Variants in SSBP2 observed in about 807,000 individuals in gnomAD.
SSBP2 encodes the protein single stranded DNA binding protein 2.
A neutral mutation model predicts 61.8 loss-of-function variants in SSBP2; 17 were observed. The ratio of observed to expected loss-of-function variants is 0.28; its 90% CI spans 0.19 to 0.41. SSBP2 has a LOEUF of 0.41. Ranked by LOEUF, SSBP2 falls within the 10% of genes least tolerant of loss-of-function variation. SSBP2 has a pLI of 1.00. For synonymous variants in SSBP2, 139 were observed against 141.3 expected, an observed-to-expected ratio of 0.98 and a Z score of 0.12; for missense variants, 310 against 458.7, an observed-to-expected ratio of 0.68 and a Z score of 2.96.
rs766994399 is a variant in SSBP2 at position 81,415,922 on chromosome 5, A to AAAAAAAAAAAAAAAAAAAAAAAAAAAAG, written c.*4581_*4582insCTTTTTTTTTTTTTTTTTTTTTTTTTTT. 2 of 73,742 alleles carry AAAAAAAAAAAAAAAAAAAAAAAAAAAAG rather than the reference A, an allele frequency of 2.7e-5. No individual in the cohort carries two copies. The highest frequency in any genetic ancestry group is 2.9e-4 in the African/African-American group (2 of 6,788). 4.6% of individuals were successfully genotyped at this position (73,742 alleles called of 1,614,324 possible). On this transcript the variant is annotated 3_prime_UTR_variant, in exon 17 of 17. Transcript: ENST00000320672. ...GCAAGATTCTGACTCAAAAAAAAAA[A>AAAAAAAAAAAAAAAAAAAAAAAAAAAAG]AAAAAAAGAGGAAAACCTGATCAAG...
At chr5:81,501,845 G>A (rs1767814039) in intron 5 of SSBP2, among the ~76,000 whole-genome samples, 1 of 152,058 alleles carries the variant, frequency 6.6e-6, no homozygotes. Flanking sequence ...TTACAGACGT[G>A]AGCCACTGCG....
At chr5:81,638,340 A>C (rs1195880260) in intron 2 of SSBP2, among the ~76,000 whole-genome samples, 1 of 147,156 alleles carries the variant, frequency 6.8e-6, no homozygotes, top group Non-Finnish European at 1.5e-5. Context: ...GATTTAAAAA[A>C]TAAAAAAATA....
Position 81,500,215 on chromosome 5 carries a change from C to T in SSBP2, c.373-10906G>A, listed in dbSNP as rs570170851. Among the ~76,000 whole-genome samples the T allele has an allele frequency of 2.0e-5, 3 of 152,078 alleles. No individual in the cohort carries two copies. In the South Asian group the frequency reaches 6.2e-4, roughly 32 times the overall value. ...AACTAGGTAAGATGTTTCTATAAAA[C>T]ATAACTTTTTTTTTTTGAGATGAAG... On this transcript the variant is annotated intron_variant, in intron 5 of 16. Transcript: ENST00000320672.
intron 1 of SSBP2, among the ~76,000 whole-genome samples, chr5:81,742,075 C>T (rs1757060875): frequency 6.6e-6 from 1 of 152,146 alleles, no homozygotes; most frequent in Non-Finnish European, 1.5e-5. Context: ...AGTCAATTTC[C>T]ACTTATAAAT....
At chr5:81,594,545 T>G (rs1051695715) in intron 4 of SSBP2, among the ~76,000 whole-genome samples, 4 of 152,176 alleles carry the variant, frequency 2.6e-5, no homozygotes, top group Admixed American at 2.6e-4. Context: ...ATACATTCTT[T>G]TCAGCACCAC....
intron 4 of SSBP2, among the ~76,000 whole-genome samples, chr5:81,559,568 A>G (rs1226269624): frequency 3.3e-5 from 5 of 151,868 alleles, no homozygotes; most frequent in Non-Finnish European, 7.4e-5. Flanking sequence ...TTATAATATT[A>G]TAAGAAACAA....
intron 1 of SSBP2, among the ~76,000 whole-genome samples, chr5:81,654,690 G>A (rs1337229076): frequency 6.6e-6 from 1 of 152,168 alleles, no homozygotes. Flanking sequence ...AGAATGTCCA[G>A]AAAGTTCTGG....
intron 4 of SSBP2, among the ~76,000 whole-genome samples, chr5:81,527,895 A>G (rs1171532972): frequency 6.9e-6 from 1 of 145,248 alleles, no homozygotes; most frequent in Non-Finnish European, 1.5e-5. Context: ...CCAGAACTTA[A>G]AGTAGTAAAA....
intron 1 of SSBP2, among the ~76,000 whole-genome samples, chr5:81,652,847 A>G (rs1233376300): frequency 6.6e-6 from 1 of 151,854 alleles, no homozygotes; most frequent in African/African-American, 2.4e-5. Context: ...TGGTGCACCC[A>G]TCACCCGAGT....
intron 1 of SSBP2, among the ~76,000 whole-genome samples, chr5:81,736,047 G>A (rs1266033836): frequency 1.3e-5 from 2 of 151,978 alleles, no homozygotes; most frequent in Admixed American, 6.5e-5. Flanking sequence ...ACTGGCCTCA[G>A]GATGAATTCA....
intron 6 of SSBP2, among the ~76,000 whole-genome samples, chr5:81,480,188 G>T (rs773122039): frequency 2.6e-4 from 39 of 152,098 alleles, no homozygotes; most frequent in Non-Finnish European, 8.8e-5. Flanking sequence ...CTTCATAAAA[G>T]AATTATTTAG....
At chr5:81,634,900 A>G (rs994697418) in intron 3 of SSBP2, among the ~76,000 whole-genome samples, 6 of 152,232 alleles carry the variant, frequency 3.9e-5, no homozygotes, top group African/African-American at 1.4e-4. Context: ...GCATGTGCCT[A>G]TATGGCACTC....
At chr5:81,440,733 C>T in intron 13 of SSBP2, 97 bp from the exon 14 acceptor site, 1 of 807,326 alleles carries the variant, frequency 1.2e-6, no homozygotes, top group Non-Finnish European at 1.9e-6. Context: ...ACTGCCACAA[C>T]TTATTTTTAC....
chr5:81,434,273 T>A (rs79230857), intron 15 of SSBP2, among the ~76,000 whole-genome samples: 189 of 152,160 alleles, frequency 1.2e-3, no homozygotes, highest in Non-Finnish European at 1.5e-3. Flanking sequence ...ATTTTTTTTT[T>A]AAAAATATGT....
chr5:81,700,433 G>C (rs1251913858), intron 1 of SSBP2, among the ~76,000 whole-genome samples: 1 of 152,168 alleles, frequency 6.6e-6, no homozygotes, highest in African/African-American at 2.4e-5. Flanking sequence ...TAGTGCACAG[G>C]CAGAGTAGAT....
rs116607110 is a variant in SSBP2, at chr5:81,575,283, A to T, written c.282+40190T>A. 8.4e-3 allele frequency among the ~76,000 whole-genome samples: 1,284 copies of T among 152,314 alleles called. 27 individuals carry two copies. The highest frequency in any genetic ancestry group is 0.029 in the African/African-American group (1,225 of 41,554). On this transcript the variant is annotated intron_variant, in intron 4 of 16. Transcript: ENST00000320672. ...ACTTCGTCTCAAAAAAACAAAAAAA[A>T]GCTCAGAGGTGCAGGAAGAAACGTT...
intron 1 of SSBP2, among the ~76,000 whole-genome samples, chr5:81,740,251 A>G (rs560276386): frequency 6.6e-6 from 1 of 152,146 alleles, no homozygotes; most frequent in Admixed American, 6.5e-5. Flanking sequence ...AAGTTTTTCC[A>G]TTACAATATT....
chr5:81,713,383 T>C (rs1737797052), intron 1 of SSBP2, among the ~76,000 whole-genome samples: 1 of 152,156 alleles, frequency 6.6e-6, no homozygotes, highest in East Asian at 1.9e-4. Context: ...TTGGTGGAGA[T>C]TTTTTTAATG....
chr5:81,624,177 A>G (rs1416671709), intron 3 of SSBP2, among the ~76,000 whole-genome samples: 1 of 152,160 alleles, frequency 6.6e-6, no homozygotes, highest in Non-Finnish European at 1.5e-5. Context: ...TATGTTATGA[A>G]ATTTACATGA....
Sources: gnomAD v4.1 joint callset for allele counts (sites outside exome capture counted in the v4.1 genomes callset) on GRCh38, gnomAD v4.1.1 for gene constraint, MANE v1.5 for transcripts, NCBI Gene and HGNC (gene_info 2026-07-23, HGNC 2026-07-21) for gene names.